Variants in CDKAL1 observed in about 807,000 individuals in gnomAD.
CDKAL1 encodes threonylcarbamoyladenosine tRNA methylthiotransferase.
CDKAL1 carries 32 observed loss-of-function variants against 68.2 expected under a neutral mutation model. That is an observed-to-expected ratio of 0.47 (90% CI 0.35 to 0.63). CDKAL1 has a LOEUF of 0.63. CDKAL1 is among the 30% of genes least tolerant of loss of function. The pLI is 0.00. For synonymous variants in CDKAL1, 234 were observed against 244.3 expected (o/e 0.96, Z 0.39); for missense variants, 606 against 696.7 (o/e 0.87, Z 1.47).
At chr6:21,134,056 G>A (rs890427445) in intron 13 of CDKAL1, among the ~76,000 whole-genome samples, 15 of 152,084 alleles carry the variant, frequency 9.9e-5, no homozygotes, top group Non-Finnish European at 1.8e-4. Flanking sequence ...TCCATTTGCC[G>A]GGGTCGTGGG....
intron 9 of CDKAL1, among the ~76,000 whole-genome samples, chr6:20,847,931 C>G (rs529533892): frequency 1.3e-5 from 2 of 152,144 alleles, no homozygotes; most frequent in Non-Finnish European, 2.9e-5. Flanking sequence ...CTCAAGGGCC[C>G]GGATACAGAA....
At chr6:20,609,095 G>A (rs1235044639) in intron 4 of CDKAL1, among the ~76,000 whole-genome samples, 1 of 152,194 alleles carries the variant, frequency 6.6e-6, no homozygotes, top group Admixed American at 6.5e-5. Context: ...TGGGAATATA[G>A]CAGAATAACT....
At chr6:20,795,620 G>T (rs188731792) in intron 8 of CDKAL1, among the ~76,000 whole-genome samples, 31 of 152,214 alleles carry the variant, frequency 2.0e-4, no homozygotes, top group African/African-American at 7.2e-4. Context: ...CATTTTAATT[G>T]TTCTTTTACT....
At chr6:20,861,276 C>T (rs1043559790) in intron 9 of CDKAL1, among the ~76,000 whole-genome samples, 1 of 152,138 alleles carries the variant, frequency 6.6e-6, no homozygotes, top group Admixed American at 6.5e-5. Context: ...TAAATGTAAG[C>T]GTACGTAAAC....
rs899595379 is a variant in CDKAL1 at position 21,029,705 on chromosome 6, C to T, written c.1055+29333C>T. Among the ~76,000 whole-genome samples, 9 of 152,226 alleles carry T rather than the reference C, an allele frequency of 5.9e-5. No individual in the cohort carries two copies. The East Asian group carries it at 9.6e-4, about 16-fold the overall frequency. Reference sequence around the variant, plus strand: ...CACTTCTCAAAAGAGGACATTTATACGGCCAGCAAACACATGAAAAAAAGC... The same window carrying T: ...CACTTCTCAAAAGAGGACATTTATATGGCCAGCAAACACATGAAAAAAAGC... On this transcript the variant is annotated intron_variant, in intron 11 of 15. Transcript: ENST00000274695.
intron 5 of CDKAL1, among the ~76,000 whole-genome samples, chr6:20,705,546 T>C (rs1771555871): frequency 6.6e-6 from 1 of 152,194 alleles, no homozygotes; most frequent in African/African-American, 2.4e-5. Flanking sequence ...ACAAATTAAA[T>C]GTATACCATT....
intron 4 of CDKAL1, among the ~76,000 whole-genome samples, chr6:20,620,851 T>G (rs1767159967): frequency 6.6e-6 from 1 of 152,184 alleles, no homozygotes; most frequent in African/African-American, 2.4e-5. Context: ...TCTCCTATTA[T>G]TTACATCTTA....
At position 20,897,902 on chromosome 6, in the gene CDKAL1, T is replaced by A. The variant is rs570654271; in HGVS notation, c.742+51724T>A. Among the ~76,000 whole-genome samples, 15 of 152,256 alleles carry A rather than the reference T, an allele frequency of 9.9e-5. No individual in the cohort carries two copies. The East Asian group carries it at 2.1e-3, about 22-fold the overall frequency. On this transcript the variant is annotated intron_variant, in intron 9 of 15. Transcript: ENST00000274695. Reference sequence around the variant, plus strand: ...ATTAGAAATACATTTTTAAAGTAATTAAAATACAATAAAAATCTATTTAAG... The same window carrying A: ...ATTAGAAATACATTTTTAAAGTAATAAAAATACAATAAAAATCTATTTAAG...
chr6:20,952,240 G>C (rs1428356859), intron 9 of CDKAL1, among the ~76,000 whole-genome samples: 7 of 152,108 alleles, frequency 4.6e-5, no homozygotes, highest in Admixed American at 4.6e-4. Context: ...TTACAAGCAT[G>C]AGCCACTGCG....
At chr6:20,803,485 A>G (rs1776449174) in intron 8 of CDKAL1, among the ~76,000 whole-genome samples, 1 of 152,244 alleles carries the variant, frequency 6.6e-6, no homozygotes, top group Non-Finnish European at 1.5e-5. Context: ...TACAATTTTT[A>G]TCATAATATA....
intron 11 of CDKAL1, among the ~76,000 whole-genome samples, chr6:21,029,070 A>G (rs1383443429): frequency 6.6e-6 from 1 of 152,002 alleles, no homozygotes; most frequent in African/African-American, 2.4e-5. Context: ...CATTTTTGGC[A>G]GAGTCTCACT....
chr6:21,210,280 G>T (rs1157382098), intron 15 of CDKAL1, among the ~76,000 whole-genome samples: 1 of 152,216 alleles, frequency 6.6e-6, no homozygotes, highest in African/African-American at 2.4e-5. Context: ...TCTTCCCAAA[G>T]TTCAGTGTTG....
intron 11 of CDKAL1, among the ~76,000 whole-genome samples, chr6:21,025,655 C>T (rs1768912697): frequency 6.6e-6 from 1 of 152,022 alleles, no homozygotes; most frequent in Admixed American, 6.6e-5. Flanking sequence ...GTTCTTAGGG[C>T]ACTTGAGTAT....
chr6:20,645,327 TTTTAA>T (rs561024105), intron 4 of CDKAL1, among the ~76,000 whole-genome samples: 104 of 152,336 alleles, frequency 6.8e-4, no homozygotes, highest in African/African-American at 2.3e-3. Context: ...TTTATGAACC[TTTTAA>T]TTTTTGAAAA....
intron 13 of CDKAL1, among the ~76,000 whole-genome samples, chr6:21,129,571 C>T (rs1775181870): frequency 6.7e-6 from 1 of 149,172 alleles, no homozygotes; most frequent in African/African-American, 2.5e-5. Context: ...AATTTTGCTT[C>T]GATGTGTGTA....
intron 10 of CDKAL1, among the ~76,000 whole-genome samples, chr6:20,964,357 T>G (rs1765196732): frequency 6.6e-6 from 1 of 152,108 alleles, no homozygotes; most frequent in Non-Finnish European, 1.5e-5. Context: ...GTCACATGCG[T>G]GGGTATGTTC....
chr6:21,043,761 T>C (rs1770070170), intron 11 of CDKAL1, among the ~76,000 whole-genome samples: 1 of 152,216 alleles, frequency 6.6e-6, no homozygotes, highest in East Asian at 1.9e-4. Flanking sequence ...GCAATTCTTA[T>C]TCAAGGCTAC....
At chr6:20,755,440 T>C (rs1254251833) in intron 6 of CDKAL1, among the ~76,000 whole-genome samples, 2 of 152,158 alleles carry the variant, frequency 1.3e-5, no homozygotes, top group Non-Finnish European at 2.9e-5. Flanking sequence ...TTCCTTTTTT[T>C]CCCCTTCATT....
intron 5 of CDKAL1, among the ~76,000 whole-genome samples, chr6:20,721,024 C>T (rs921252685): frequency 2.6e-5 from 4 of 152,070 alleles, no homozygotes; most frequent in African/African-American, 9.7e-5. Context: ...AGGTTTGTTA[C>T]ATATGTATAC....
Sources: allele counts gnomAD v4.1 joint callset (sites outside exome capture counted in the v4.1 genomes callset), GRCh38; gene constraint gnomAD v4.1.1; transcripts MANE v1.5; gene names NCBI Gene and HGNC (gene_info 2026-07-23, HGNC 2026-07-21).